DENND1B: variants seen among roughly 807,000 people sequenced by gnomAD.
DENND1B encodes DENN domain containing 1B, also known as DENN domain-containing protein 1B.
Under a neutral mutation model 90.1 loss-of-function variants are expected in DENND1B, and 59 were observed. The ratio of observed to expected loss-of-function variants is 0.65; its 90% CI spans 0.53 to 0.81. The LOEUF (loss-of-function observed/expected upper bound fraction) is 0.81. Among genes scored for constraint, DENND1B ranks in the 40% least tolerant of loss-of-function variants. DENND1B has a pLI of 0.00. For synonymous variants in DENND1B, 337 were observed against 324.6 expected (o/e 1.04, Z -0.41); for missense variants, 862 against 912.6 (o/e 0.94, Z 0.71).
chr1:197,555,669 C>T (rs746307271), intron 15 of DENND1B, among the ~76,000 whole-genome samples: 1 of 152,078 alleles, frequency 6.6e-6, no homozygotes, highest in African/African-American at 2.4e-5. Context: ...CACCTCACAG[C>T]AGTCAGAATG....
At chr1:197,623,793 T>C (rs1307381438) in intron 10 of DENND1B, among the ~76,000 whole-genome samples, 2 of 151,522 alleles carry the variant, frequency 1.3e-5, no homozygotes, top group South Asian at 4.1e-4. Context: ...CACTCTAGGA[T>C]AAAACAAATT....
intron 20 of DENND1B, among the ~76,000 whole-genome samples, chr1:197,523,158 T>C (rs1014481902): frequency 1.3e-5 from 2 of 152,092 alleles, no homozygotes; most frequent in African/African-American, 4.8e-5. Context: ...CCAATGACCT[T>C]TGAGGACATT....
intron 15 of DENND1B, among the ~76,000 whole-genome samples, chr1:197,563,173 A>G (rs1571887375): frequency 6.6e-6 from 1 of 152,150 alleles, no homozygotes; most frequent in African/African-American, 2.4e-5. Flanking sequence ...AGCTAAGATT[A>G]TTGATGAAAG....
intron 15 of DENND1B, 149 bp from the exon 16 acceptor site, chr1:197,553,261 A>G: frequency 1.8e-6 from 1 of 541,158 alleles, no homozygotes; most frequent in African/African-American, 2.0e-5. Flanking sequence ...TGGTGTATAT[A>G]TACACACACA....
intron 14 of DENND1B, among the ~76,000 whole-genome samples, chr1:197,592,077 C>T (rs1374898951): frequency 8.2e-6 from 1 of 121,542 alleles, no homozygotes; most frequent in Admixed American, 1.1e-4. Flanking sequence ...CCACTGCACT[C>T]CAGGCTGGGA....
At chr1:197,556,243 T>C (rs1671704923) in intron 15 of DENND1B, among the ~76,000 whole-genome samples, 1 of 151,998 alleles carries the variant, frequency 6.6e-6, no homozygotes, top group African/African-American at 2.4e-5. Flanking sequence ...GAAAAACTAC[T>C]TATTGGGTAC....
At chr1:197,593,458 A>C (rs975893264) in intron 14 of DENND1B, among the ~76,000 whole-genome samples, 4 of 151,934 alleles carry the variant, frequency 2.6e-5, no homozygotes, top group African/African-American at 9.7e-5. Flanking sequence ...AAATGTGATC[A>C]ATAAACAAGA....
At chr1:197,536,328 G>A (rs912984350) in intron 20 of DENND1B, among the ~76,000 whole-genome samples, 6 of 152,052 alleles carry the variant, frequency 3.9e-5, no homozygotes, top group African/African-American at 1.4e-4. Context: ...TATAATAAAT[G>A]GCTTGATATT....
At chr1:197,626,733 T>G (rs552234801) in intron 10 of DENND1B, among the ~76,000 whole-genome samples, 4 of 151,860 alleles carry the variant, frequency 2.6e-5, no homozygotes, top group African/African-American at 9.7e-5. Context: ...AATTAATGAA[T>G]CCAGGAGCTG....
At chr1:197,616,495 T>A (rs954901242) in intron 11 of DENND1B, among the ~76,000 whole-genome samples, 1 of 151,026 alleles carries the variant, frequency 6.6e-6, no homozygotes, top group African/African-American at 2.4e-5. Flanking sequence ...ATAGCAATGG[T>A]AGGTCACTGG....
At chr1:197,586,885 T>A (rs1674746680) in intron 14 of DENND1B, among the ~76,000 whole-genome samples, 1 of 152,124 alleles carries the variant, frequency 6.6e-6, no homozygotes, top group Non-Finnish European at 1.5e-5. Context: ...GCTTCTTATA[T>A]CCCATATAAG....
intron 2 of DENND1B, among the ~76,000 whole-genome samples, chr1:197,766,732 T>G (rs1224663676): frequency 6.6e-6 from 1 of 152,148 alleles, no homozygotes; most frequent in Non-Finnish European, 1.5e-5. Context: ...CTCTGTGGAT[T>G]AATGTAATCA....
chr1:197,674,104 G>T lies in DENND1B; in HGVS notation c.176+16C>A, dbSNP rs981483958. On this transcript the variant is annotated intron_variant, in intron 4 of 22. Coordinates refer to ENST00000620048, the MANE Select transcript of DENND1B (RefSeq NM_001195215.2). ...ATAAGAATCTACATTTATTTTAAATGATACTTATACTGTACCTTTCAACGT... is the reference window on the plus strand; with the variant it reads ...ATAAGAATCTACATTTATTTTAAATTATACTTATACTGTACCTTTCAACGT... 8.4e-6 allele frequency: 13 copies of T among 1,548,568 alleles called. No individual in the cohort carries two copies. Among genetic ancestry groups the T allele is most frequent in the Admixed American group, 1.8e-5 (1 of 54,378 alleles).
chr1:197,775,328 T>G lies in DENND1B; in HGVS notation c.-173A>C. On this transcript the variant is annotated 5_prime_UTR_variant, in exon 1 of 23. Transcript: ENST00000620048. ...CCCATGTCGGCTGCGCCCCCGGCAC[T>G]TCCCCGCCTCCCACCCCACCCACCA... 3 of 387,796 alleles carry G rather than the reference T, an allele frequency of 7.7e-6. No homozygotes were observed. The highest frequency in any genetic ancestry group is 1.3e-5 in the Non-Finnish European group (3 of 228,774). The allele number at this position is 387,796 out of a possible 1,614,324, so 24.0% of individuals were successfully genotyped here. A position where few individuals can be genotyped will look rare whatever the true frequency, so the allele number is the denominator to read the frequency against.
chr1:197,726,588 T>C (rs1661657131), intron 2 of DENND1B, among the ~76,000 whole-genome samples: 1 of 152,170 alleles, frequency 6.6e-6, no homozygotes, highest in South Asian at 2.1e-4. Context: ...ATTGCATCAG[T>C]GATATGGAAA....
At chr1:197,569,361 T>C (rs1167891912) in intron 15 of DENND1B, among the ~76,000 whole-genome samples, 1 of 152,090 alleles carries the variant, frequency 6.6e-6, no homozygotes, top group Admixed American at 6.6e-5. Context: ...GAAAACAGTA[T>C]GGAAGTTTCT....
chr1:197,634,919 C>A (rs1456143018), intron 10 of DENND1B, among the ~76,000 whole-genome samples: 1 of 152,044 alleles, frequency 6.6e-6, no homozygotes, highest in Non-Finnish European at 1.5e-5. Flanking sequence ...CTGAGATCTG[C>A]GGGCAGAAGC....
intron 21 of DENND1B, 138 bp from the exon 22 acceptor site, chr1:197,512,082 G>T: frequency 1.6e-6 from 1 of 638,784 alleles, no homozygotes; most frequent in Non-Finnish European, 2.6e-6. Context: ...ATTCTTTACC[G>T]TGATGTGTAT....
At chr1:197,523,905 A>G (rs552710630) in intron 20 of DENND1B, among the ~76,000 whole-genome samples, 2 of 152,274 alleles carry the variant, frequency 1.3e-5, no homozygotes, top group East Asian at 3.9e-4. Context: ...ATAAAGATGG[A>G]CAACATGCAT....
Sources: gnomAD v4.1 joint callset for allele counts (sites outside exome capture counted in the v4.1 genomes callset) on GRCh38, gnomAD v4.1.1 for gene constraint, MANE v1.5 for transcripts, NCBI Gene and HGNC (gene_info 2026-07-23, HGNC 2026-07-21) for gene names.